RXRG: variants seen among roughly 807,000 people sequenced by gnomAD.
RXRG encodes the protein retinoid X receptor gamma, also known as retinoic acid receptor RXR-gamma.
A neutral mutation model predicts 49.2 loss-of-function variants in RXRG; 19 were observed. The ratio of observed to expected loss-of-function variants is 0.39; its 90% CI spans 0.27 to 0.57. RXRG has a LOEUF of 0.57. Ranked by LOEUF, RXRG falls within the 20% of genes least tolerant of loss-of-function variation. The probability of loss-of-function intolerance (pLI) is 0.64; values close to 1 mark genes in which losing one functional copy is unlikely to be tolerated. For synonymous variants in RXRG, 224 were observed against 216.6 expected (o/e 1.03, Z -0.30); for missense variants, 452 against 592.5 (o/e 0.76, Z 2.46).
chr1:165,429,227 A>G (rs1416878509), intron 1 of RXRG, among the ~76,000 whole-genome samples: 1 of 152,134 alleles, frequency 6.6e-6, no homozygotes, highest in Non-Finnish European at 1.5e-5. Context: ...TCCACTCTGG[A>G]CTATGCTGGA....
At chr1:165,435,702 A>G (rs1658801196) in intron 1 of RXRG, among the ~76,000 whole-genome samples, 1 of 152,240 alleles carries the variant, frequency 6.6e-6, no homozygotes, top group African/African-American at 2.4e-5. Flanking sequence ...CAAAATGACT[A>G]GGAGTGGGAG....
At chr1:165,421,795 G>A (rs192369369) in intron 2 of RXRG, among the ~76,000 whole-genome samples, 1 of 151,984 alleles carries the variant, frequency 6.6e-6, no homozygotes, top group African/African-American at 2.4e-5. Flanking sequence ...GCCTCCCAAA[G>A]TTCTGGGATT....
intron 2 of RXRG, among the ~76,000 whole-genome samples, chr1:165,422,715 G>A (rs1212185322): frequency 1.3e-5 from 2 of 152,196 alleles, no homozygotes; most frequent in East Asian, 1.9e-4. Flanking sequence ...GCCACTAGAG[G>A]CTTGGAGCAG....
At chr1:165,410,236 G>A (rs1401267496) in intron 6 of RXRG, among the ~76,000 whole-genome samples, 1 of 152,158 alleles carries the variant, frequency 6.6e-6, no homozygotes, top group Non-Finnish European at 1.5e-5. Flanking sequence ...GTGACAAAGA[G>A]GAGATATGGC....
chr1:165,406,604 C>T (rs938294387), intron 9 of RXRG, among the ~76,000 whole-genome samples: 3 of 152,282 alleles, frequency 2.0e-5, no homozygotes, highest in Non-Finnish European at 2.9e-5. Context: ...CACTATTTTA[C>T]GTGTTGAGGC....
intron 2 of RXRG, 94 bp from the exon 3 acceptor site, chr1:165,420,108 T>A: frequency 1.9e-6 from 2 of 1,027,556 alleles, no homozygotes; most frequent in Non-Finnish European, 2.6e-6. Context: ...AAAAAACAAG[T>A]TCTATTTCAA....
At chr1:165,420,063 T>A in intron 2 of RXRG, 49 bp from the exon 3 acceptor site, 1 of 1,452,370 alleles carries the variant, frequency 6.9e-7, no homozygotes, top group Non-Finnish European at 9.2e-7. Flanking sequence ...GTAAATTCAA[T>A]CCCCAAGGCC....
intron 2 of RXRG, among the ~76,000 whole-genome samples, chr1:165,422,685 A>C (rs1198567217): frequency 2.1e-4 from 32 of 152,224 alleles, no homozygotes; most frequent in Admixed American, 2.1e-3. Flanking sequence ...GAATTGATTT[A>C]GTTTGGGAAG....
chr1:165,436,978 A>G, intron 1 of RXRG: 1 of 1,126,366 alleles, frequency 8.9e-7, no homozygotes, highest in Non-Finnish European at 1.1e-6. Context: ...ATGTCAGAGG[A>G]ACGGGAAACA....
At chr1:165,434,770 C>T (rs969891378) in intron 1 of RXRG, among the ~76,000 whole-genome samples, 4 of 152,166 alleles carry the variant, frequency 2.6e-5, no homozygotes, top group Non-Finnish European at 5.9e-5. Flanking sequence ...GGTGTGAAGG[C>T]CCAACAATGA....
intron 1 of RXRG, among the ~76,000 whole-genome samples, chr1:165,432,582 T>C (rs1175588270): frequency 6.6e-6 from 1 of 152,238 alleles, no homozygotes; most frequent in East Asian, 1.9e-4. Flanking sequence ...CACTCCTTTT[T>C]TTTGTTTGTT....
chr1:165,410,852 T>C, intron 5 of RXRG, 21 bp from the exon 6 acceptor site: 3 of 1,614,092 alleles, frequency 1.9e-6, no homozygotes, highest in Non-Finnish European at 2.5e-6. Context: ...AACAAAGTAC[T>C]GTGAGGCACA....
chr1:165,401,316 G>A lies in RXRG; in HGVS notation c.1339C>T (p.Pro447Ser). Reference sequence around the variant, plus strand: ...ATCTCCATGAGGAAGGTGTCAATGGGGGTGTCCCCGATGAGCTTGAAGAAG... The same window carrying A: ...ATCTCCATGAGGAAGGTGTCAATGGAGGTGTCCCCGATGAGCTTGAAGAAG... The part of the protein sequence containing the change: ...LFFFKLIGDT[P>S]IDTFLMEMLE... Residue 447 changes from proline (P) to serine (S), a missense_variant, in exon 10 of 10, where the codon CCC becomes TCC. Coordinates refer to ENST00000359842, the MANE Select transcript of RXRG (RefSeq NM_006917.5). The A allele has an allele frequency of 6.2e-7, 1 of 1,614,142 alleles. No individual in the cohort carries two copies. The highest frequency in any genetic ancestry group is 1.3e-5 in the African/African-American group (1 of 75,046).
chr1:165,420,256 T>A (rs1658268076), intron 2 of RXRG, among the ~76,000 whole-genome samples: 1 of 152,200 alleles, frequency 6.6e-6, no homozygotes, highest in Non-Finnish European at 1.5e-5. Context: ...CACATCTCCA[T>A]TAGAGTCTAT....
intron 9 of RXRG, among the ~76,000 whole-genome samples, chr1:165,401,649 C>G (rs1657570763): frequency 6.6e-6 from 1 of 152,214 alleles, no homozygotes; most frequent in Admixed American, 6.5e-5. Context: ...AATTCTGTAG[C>G]CATGTCCCAG....
chr1:165,440,444 T>C (rs1294371090), intron 1 of RXRG, among the ~76,000 whole-genome samples: 2 of 152,212 alleles, frequency 1.3e-5, no homozygotes, highest in Non-Finnish European at 2.9e-5. Context: ...ATTTGCATTA[T>C]ACTTACCAAT....
chr1:165,434,078 T>G (rs1658756583), intron 1 of RXRG, among the ~76,000 whole-genome samples: 1 of 152,172 alleles, frequency 6.6e-6, no homozygotes, highest in South Asian at 2.1e-4. Context: ...AAACTGCAGT[T>G]TCCTCATTCA....
intron 7 of RXRG, 129 bp from the exon 8 acceptor site, chr1:165,408,447 C>T: frequency 1.5e-6 from 1 of 662,632 alleles, no homozygotes; most frequent in South Asian, 1.8e-5. Flanking sequence ...ACTAGGGGTA[C>T]AGAAATGAAA....
intron 1 of RXRG, among the ~76,000 whole-genome samples, chr1:165,432,016 A>G (rs1658687685): frequency 6.6e-6 from 1 of 152,270 alleles, no homozygotes; most frequent in African/African-American, 2.4e-5. Context: ...TATCATGAAA[A>G]TAGTATGCAA....
Sources: gnomAD v4.1 joint callset for allele counts (sites outside exome capture counted in the v4.1 genomes callset) on GRCh38, gnomAD v4.1.1 for gene constraint, MANE v1.5 for transcripts, NCBI Gene and HGNC (gene_info 2026-07-23, HGNC 2026-07-21) for gene names.